PLEKHJ1: variants seen among roughly 807,000 people sequenced by gnomAD.
PLEKHJ1 encodes the protein pleckstrin homology domain containing J1.
A neutral mutation model predicts 21.7 loss-of-function variants in PLEKHJ1; 20 were observed. The ratio of observed to expected loss-of-function variants is 0.92; its 90% confidence interval spans 0.65 to 1.34. The LOEUF is 1.34. Ranked by LOEUF, PLEKHJ1 falls within the 40% of genes most tolerant of loss-of-function variation. The pLI, the probability that PLEKHJ1 is intolerant of heterozygous loss-of-function variation, is 0.00. For synonymous variants in PLEKHJ1, 113 were observed against 80.6 expected (o/e 1.40, Z -2.15); for missense variants, 241 against 202.0 (o/e 1.19, Z -1.17).
chr19:2,235,659 T>G (rs1437289349), intron 3 of PLEKHJ1, 103 bp downstream of exon 3: 20 of 947,522 alleles, frequency 2.1e-5, no homozygotes, highest in Non-Finnish European at 3.0e-5. Context: ...GGCGCCAGGC[T>G]GGGGACACAG....
chr19:2,230,203 G>A, downstream of PLEKHJ1: 1 of 445,324 alleles, frequency 2.2e-6, no homozygotes, highest in Non-Finnish European at 3.9e-6. Flanking sequence ...CACCCGCTTG[G>A]TGCTGACTAG....
chr19:2,236,049 C>A (rs942845750), intron 1 of PLEKHJ1, 59 bp from the exon 2 acceptor site: 7 of 1,489,264 alleles, frequency 4.7e-6, no homozygotes, highest in African/African-American at 1.5e-5. Flanking sequence ...CCCGGCCTCC[C>A]GTCCCCGGCG....
Position 2,235,767 on chromosome 19 carries a change from G to A in PLEKHJ1, c.224C>T (p.Ser75Phe), listed in dbSNP as rs751604778. ...RVVREEPGTF[S>F]ISFIEDPERK... Reference sequence around the variant, plus strand: ...GCTTCCCTAGCCCCACTCACTGATGGAGAAGGTGCCGGGCTCTTCCCGGAC... The same window carrying A: ...GCTTCCCTAGCCCCACTCACTGATGAAGAAGGTGCCGGGCTCTTCCCGGAC... Residue 75 changes from serine to phenylalanine, a missense_variant, in exon 3 of 6, where the codon TCC (serine) becomes TTC (phenylalanine). Physicochemically the swap from Ser to Phe is radical, Grantham distance 155 (BLOSUM62 -2). Transcript: ENST00000326631. 2 of 1,548,878 alleles carry A rather than the reference G, an allele frequency of 1.3e-6. No homozygotes were observed. Among genetic ancestry groups the A allele is most frequent in the South Asian group, 2.4e-5 (2 of 84,022 alleles).
At chr19:2,232,144 G>C (rs1356700309), downstream of PLEKHJ1, 2 of 223,344 alleles carry the variant, frequency 9.0e-6, no homozygotes, top group Middle Eastern at 1.4e-3. Context: ...GCGGGGACCT[G>C]TGCTGCTGCT....
intron 3 of PLEKHJ1, 86 bp from the exon 4 acceptor site, chr19:2,234,326 G>A: frequency 1.0e-6 from 1 of 984,002 alleles, no homozygotes; most frequent in Admixed American, 2.0e-5. Flanking sequence ...CCCTTCTCTG[G>A]CCCCCACAAA....
downstream of PLEKHJ1, chr19:2,230,800 C>G (rs1452906936): frequency 2.6e-6 from 1 of 384,000 alleles, no homozygotes; most frequent in South Asian, 1.4e-4. Flanking sequence ...GCGTCAGCCC[C>G]GACCCTAGAC....
intron 3 of PLEKHJ1, chr19:2,235,443 T>TA: frequency 2.4e-6 from 1 of 414,136 alleles, no homozygotes; most frequent in South Asian, 3.7e-5. Flanking sequence ...GCTAGACCCA[T>TA]GCTACTCTTG....
At chr19:2,232,719 C>T (rs1247202108), downstream of PLEKHJ1, 1 of 179,664 alleles carries the variant, frequency 5.6e-6, no homozygotes, top group African/African-American at 2.4e-5. Context: ...CGGGGGCTGA[C>T]ACCAGGACAC....
chr19:2,234,244 GGGATGGAACACCTGT>G lies in PLEKHJ1; in HGVS notation c.230-19_230-5del. ...CTCTCAGGGTCCTCAATGAAGCCTGGGGATGGAACACCTGTGGTCGGTCCTACCCACAGCCACAAG... is the reference window on the plus strand; with the variant it reads ...CTCTCAGGGTCCTCAATGAAGCCTGGGGTCGGTCCTACCCACAGCCACAAG... On this transcript the variant is annotated splice_region_variant and splice_polypyrimidine_tract_variant and intron_variant, in intron 3 of 5. Transcript: ENST00000326631. 6.2e-7 allele frequency: 1 copy of G among 1,609,922 alleles called. No individual in the cohort carries two copies. Among genetic ancestry groups the G allele is most frequent in the South Asian group, 1.1e-5 (1 of 90,960 alleles).
chr19:2,235,636 G>A, intron 3 of PLEKHJ1, 126 bp downstream of exon 3: 5 of 781,016 alleles, frequency 6.4e-6, no homozygotes, highest in South Asian at 3.4e-5. Context: ...GCACTCTTGT[G>A]TTTGAGGAGG....
downstream of PLEKHJ1, chr19:2,230,007 T>C (rs990585386): frequency 3.7e-5 from 27 of 736,254 alleles, no homozygotes; most frequent in Admixed American, 1.2e-4. Context: ...TTATCATTTT[T>C]TAAAAAGTAT....
downstream of PLEKHJ1, chr19:2,232,057 G>A (rs1044562982): frequency 2.5e-4 from 53 of 211,468 alleles, no homozygotes; most frequent in African/African-American, 5.5e-4. Flanking sequence ...GGTGTGTGGC[G>A]GGTGGCAGGG....
Position 2,235,947 on chromosome 19 carries a change from GA to G in PLEKHJ1, c.137del (p.Phe46SerfsTer80). ...RLVKLVVNFL[F>X]YFRTDEAEPV... ...CCTCGGCCTCGTCTGTCCGAAAGTA[GA>G]AGAGGAAATTCACCACCAGCTTCAC... On this transcript the variant is annotated frameshift_variant, in exon 2 of 6. Coordinates refer to ENST00000326631, the MANE Select transcript of PLEKHJ1 (RefSeq NM_018049.3). LOFTEE classifies it high-confidence loss of function. 3.1e-6 allele frequency: 5 copies of G among 1,610,506 alleles called. No individual in the cohort carries two copies. The highest frequency in any genetic ancestry group is 4.2e-6 in the Non-Finnish European group (5 of 1,179,094).
chr19:2,230,155 C>T (rs2024535867), downstream of PLEKHJ1: 2 of 507,838 alleles, frequency 3.9e-6, no homozygotes, highest in Admixed American at 3.7e-5. Flanking sequence ...CCACAGCCTG[C>T]CCCGGTGCTA....
Position 2,236,205 on chromosome 19 carries a change from G to A in PLEKHJ1, c.44C>T (p.Pro15Leu). 5 of 1,475,804 alleles carry A rather than the reference G, an allele frequency of 3.4e-6. No homozygotes were observed. The highest frequency in any genetic ancestry group is 2.7e-5 in the Admixed American group (1 of 36,914). The allele number at this position is 1,475,804 out of a possible 1,614,324, so 91.4% of individuals were successfully genotyped here. ...EKELQALSRQ[P>L]AEMAAELGMR... ...GCCCAGCTCGGCCGCCATCTCGGCC[G>A]GCTGCCGGGACAGAGCCTGCAGCTC... The change falls in exon 1 of 6, where the codon CCG (proline) becomes CTG (leucine). Residue 15 changes from proline (P) to leucine (L), a missense_variant. Pro to Leu is a moderately conservative substitution (Grantham distance 98). Coordinates refer to ENST00000326631, the MANE Select transcript of PLEKHJ1 (RefSeq NM_018049.3).
downstream of PLEKHJ1, chr19:2,230,495 T>C (rs530444697): frequency 2.5e-6 from 1 of 398,958 alleles, no homozygotes; most frequent in Non-Finnish European, 4.4e-6. Flanking sequence ...GCGATGGTGC[T>C]GTGAGGACGG....
Position 2,234,081 on chromosome 19 carries a change from G to A in PLEKHJ1, c.321-20C>T, listed in dbSNP as rs139405773. 43 of 1,613,324 alleles carry A rather than the reference G, an allele frequency of 2.7e-5. No homozygotes were observed. The African/African-American group carries it at 3.7e-4, about 14-fold the overall frequency. ...TCGTAGCTGGGGAAAAGGGTGGCAC[G>A]GGGTCAAATGCCCGCTCTGCATGGC... On this transcript the variant is annotated intron_variant, in intron 4 of 5. Coordinates refer to ENST00000326631, the MANE Select transcript of PLEKHJ1 (RefSeq NM_018049.3).
rs1307337324 is a variant in PLEKHJ1, at chr19:2,233,157, GAA to G, written c.*681_*682del. 1 of 152,460 alleles carries G rather than the reference GAA, an allele frequency of 6.6e-6. No individual in the cohort carries two copies. Among genetic ancestry groups the G allele is most frequent in the African/African-American group, 2.4e-5 (1 of 41,386 alleles). 9.4% of individuals were successfully genotyped at this position (152,460 alleles called of 1,614,324 possible). On this transcript the variant is annotated 3_prime_UTR_variant, in exon 6 of 6. Transcript: ENST00000326631. ...CTTCACTTCACCGCCATCCAGTGTG[GAA>G]AAGAGGTACCTTTATTTGAACAGAA...
chr19:2,235,560 G>A, intron 3 of PLEKHJ1: 1 of 591,672 alleles, frequency 1.7e-6, no homozygotes. Flanking sequence ...AAGCTTAAGT[G>A]GACTCGGCAG....
Sources: gnomAD v4.1 joint callset for allele counts on GRCh38, gnomAD v4.1.1 for gene constraint, MANE v1.5 for transcripts, NCBI Gene and HGNC (gene_info 2026-07-23, HGNC 2026-07-21) for gene names.